The following BCL7B variants were observed in gnomAD, a reference collection of about 807,000 sequenced individuals.
BCL7B encodes B-cell CLL/lymphoma 7 protein family member B.
In BCL7B, 11 loss-of-function variants were observed where a neutral mutation model predicts 26.5. The observed-to-expected ratio is 0.42, with a 90% CI of 0.26 to 0.69. The LOEUF (loss-of-function observed/expected upper bound fraction) is 0.69. BCL7B is among the 30% of genes least tolerant of loss of function. The pLI is 0.28. For missense variants in BCL7B, 215 were observed against 264.4 expected (o/e 0.81, Z 1.30); for synonymous variants, 111 against 107.9 (o/e 1.03, Z -0.18).
At chr7:73,552,366 G>C in intron 1 of BCL7B, 124 bp from the exon 2 acceptor site, 1 of 769,316 alleles carries the variant, frequency 1.3e-6, no homozygotes, top group East Asian at 2.7e-5. Context: ...ACTTCCTCTT[G>C]GTGGGGTATG....
rs1488677968 is a variant in BCL7B at position 73,536,496 on chromosome 7, CAAAGA to C, written c.*797_*801del. ...AAAGTTCAATTCAACATGCAGATTT[CAAAGA>C]AAAGGGAGCTTTCTAGAAACTGAGC... On this transcript the variant is annotated 3_prime_UTR_variant, in exon 6 of 6. Transcript: ENST00000223368. 6.6e-5 allele frequency: 10 copies of C among 152,498 alleles called. No individual in the cohort carries two copies. The highest frequency in any genetic ancestry group is 2.4e-4 in the African/African-American group (10 of 41,430). 9.4% of individuals were successfully genotyped at this position (152,498 alleles called of 1,614,324 possible).
chr7:73,537,316 C>G lies in BCL7B; in HGVS notation c.591G>C (p.Gln197His), dbSNP rs782269872. 1 of 1,614,124 alleles carries G rather than the reference C, an allele frequency of 6.2e-7. No homozygotes were observed. The highest frequency in any genetic ancestry group is 8.5e-7 in the Non-Finnish European group (1 of 1,180,014). ...RFCVDQPTVP[Q>H]TASES is the part of the protein sequence containing the mutation. ...GATGGTGCTAGCTTTCTGACGCCGT[C>G]TGCGGCACTGTGGGTTGGTCCACAC... is the stretch of plus-strand genomic sequence containing the variant. Residue 197 changes from glutamine (Q) to histidine (H), a missense_variant, in exon 6 of 6, where the codon CAG (glutamine) becomes CAC (histidine). Physicochemically the swap from Gln to His is conservative, Grantham distance 24. Transcript: ENST00000223368.
chr7:73,545,160 T>C (rs1397153350), intron 2 of BCL7B, among the ~76,000 whole-genome samples: 1 of 152,174 alleles, frequency 6.6e-6, no homozygotes, highest in African/African-American at 2.4e-5. Context: ...ACACTTTTTA[T>C]ACATTTCCGG....
Position 73,557,564 on chromosome 7 carries a change from C to G in BCL7B, c.15G>C (p.Ser5=). The change falls in exon 1 of 6, where the codon TCG becomes TCC. Residue 5 remains serine (S), a synonymous_variant. Coordinates refer to ENST00000223368, the MANE Select transcript of BCL7B (RefSeq NM_001707.4). The part of the protein sequence containing the change: MSGR[S]VRAETRSRAK... ...CCCGGCTGCGGGTCTCCGCCCGGAC[C>G]GACCGGCCCGACATGGCGGCGGCGG... The G allele has an allele frequency of 7.4e-7, 1 of 1,359,928 alleles. No individual in the cohort carries two copies. The highest frequency in any genetic ancestry group is 9.6e-7 in the Non-Finnish European group (1 of 1,043,146). The allele number at this position is 1,359,928 out of a possible 1,614,324, so 84.2% of individuals were successfully genotyped here. A position where few individuals can be genotyped will look rare whatever the true frequency, so the allele number is the denominator to read the frequency against.
chr7:73,549,194 T>C (rs1437809166), intron 2 of BCL7B, among the ~76,000 whole-genome samples: 4 of 152,082 alleles, frequency 2.6e-5, no homozygotes, highest in African/African-American at 9.7e-5. Flanking sequence ...AACCTCAATA[T>C]CTACAGGAGA....
chr7:73,557,241 T>G, intron 1 of BCL7B: 1 of 1,096,420 alleles, frequency 9.1e-7, no homozygotes, highest in African/African-American at 1.7e-5. Context: ...CGGAATCCCC[T>G]CCCAGGCGGC....
chr7:73,551,166 G>A (rs1239032404), intron 2 of BCL7B, among the ~76,000 whole-genome samples: 1 of 152,236 alleles, frequency 6.6e-6, no homozygotes, highest in Admixed American at 6.5e-5. Flanking sequence ...TTTTCTTAAA[G>A]GGTCAGATGA....
intron 1 of BCL7B, 23 bp downstream of exon 1, chr7:73,557,464 C>T: frequency 7.4e-7 from 1 of 1,356,140 alleles, no homozygotes; most frequent in Non-Finnish European, 9.6e-7. Flanking sequence ...CCCCCGCCAG[C>T]CCCCTAAGCT....
chr7:73,556,836 G>C (rs1030317190), intron 1 of BCL7B, among the ~76,000 whole-genome samples: 3 of 152,220 alleles, frequency 2.0e-5, no homozygotes, highest in African/African-American at 4.8e-5. Flanking sequence ...ACGGACTGGG[G>C]AATGAACAAG....
intron 1 of BCL7B, chr7:73,553,430 T>C (rs1171353159): frequency 3.3e-5 from 5 of 152,070 alleles, no homozygotes; most frequent in Admixed American, 2.6e-4. Context: ...TCCCAGCACT[T>C]TGGGAGGCCA....
chr7:73,556,957 C>G, intron 1 of BCL7B: 1 of 989,592 alleles, frequency 1.0e-6, no homozygotes, highest in Middle Eastern at 5.2e-4. Context: ...GCGCAGGGGC[C>G]GGTTACTGGG....
chr7:73,541,465 CT>C (rs781916545), intron 3 of BCL7B, among the ~76,000 whole-genome samples: 2,032 of 136,494 alleles, frequency 0.015, 28 homozygotes, highest in African/African-American at 0.043. Context: ...ATACCCAGTA[CT>C]TTTTTTTTTT....
At position 73,543,564 on chromosome 7, in the gene BCL7B, G is replaced by C. The variant is rs1554583163; in HGVS notation, c.249C>G (p.Leu83=). The C allele has an allele frequency of 3.1e-6, 5 of 1,613,678 alleles. No homozygotes were observed. The Admixed American group carries it at 6.7e-5, about 22-fold the overall frequency. The change falls in exon 3 of 6, where the codon CTC becomes CTG. Residue 83 remains leucine, a synonymous_variant. Coordinates refer to ENST00000223368, the MANE Select transcript of BCL7B (RefSeq NM_001707.4). ...FPSDASANSS[L]LLEFQDENSN... ...GCAACTCACCCTGGAATTCAAGAAG[G>C]AGAGAGGAATTGGCTGAGGCATCAG...
intron 5 of BCL7B, 68 bp downstream of exon 5, chr7:73,537,866 G>A: frequency 8.4e-7 from 1 of 1,193,998 alleles, no homozygotes; most frequent in Non-Finnish European, 1.2e-6. Context: ...ACTCTAGTCT[G>A]GGCAACAGCG....
At chr7:73,539,229 G>A (rs1230957243) in intron 4 of BCL7B, among the ~76,000 whole-genome samples, 1 of 151,964 alleles carries the variant, frequency 6.6e-6, no homozygotes, top group Non-Finnish European at 1.5e-5. Context: ...CAAAGTGCTG[G>A]GATTACAGGT....
At chr7:73,538,771 C>A (rs1044757485) in intron 4 of BCL7B, among the ~76,000 whole-genome samples, 1 of 148,292 alleles carries the variant, frequency 6.7e-6, no homozygotes, top group Admixed American at 6.8e-5. Flanking sequence ...TAGGATTCAG[C>A]CACTGCATTC....
chr7:73,541,016 A>G (rs975954984), intron 3 of BCL7B, among the ~76,000 whole-genome samples: 1 of 151,582 alleles, frequency 6.6e-6, no homozygotes, highest in African/African-American at 2.4e-5. Flanking sequence ...GCATGATAGC[A>G]CGCGCCTGTA....
intron 4 of BCL7B, chr7:73,539,661 C>T (rs554575168): frequency 1.4e-4 from 74 of 525,106 alleles, no homozygotes; most frequent in African/African-American, 1.3e-3. Flanking sequence ...GTCAAATACT[C>T]AAGTTCCTTC....
chr7:73,540,224 A>T, intron 3 of BCL7B, 172 bp from the exon 4 acceptor site: 1 of 667,842 alleles, frequency 1.5e-6, no homozygotes, highest in Non-Finnish European at 2.5e-6. Flanking sequence ...AGAGGCAGCC[A>T]GAATCTTTAT....
Sources: allele counts gnomAD v4.1 joint callset (sites outside exome capture counted in the v4.1 genomes callset), GRCh38; gene constraint gnomAD v4.1.1; transcripts MANE v1.5; gene names NCBI Gene and HGNC (gene_info 2026-07-23, HGNC 2026-07-21).